Variants in ABHD18 observed in about 807,000 individuals in gnomAD.
ABHD18 encodes cardiolipin-specific deacylase, mitochondrial.
Under a neutral mutation model 65.9 loss-of-function variants are expected in ABHD18, and 55 were observed. The ratio of observed to expected loss-of-function variants is 0.84; its 90% confidence interval spans 0.67 to 1.05. The LOEUF (loss-of-function observed/expected upper bound fraction) is 1.05, where lower values mean the gene tolerates loss of function less well. Ranked by LOEUF, ABHD18 falls within the 50% of genes least tolerant of loss-of-function variation. The probability of loss-of-function intolerance (pLI) is 0.00; values close to 1 mark genes in which losing one functional copy is unlikely to be tolerated. For missense variants in ABHD18, 533 were observed against 558.5 expected (o/e 0.95, Z 0.46); for synonymous variants, 181 against 180.2 (o/e 1.00, Z -0.04).
At chr4:128,027,404 A>AT (rs1757528578) in intron 10 of ABHD18, among the ~76,000 whole-genome samples, 1 of 150,590 alleles carries the variant, frequency 6.6e-6, no homozygotes, top group Non-Finnish European at 1.5e-5. Context: ...TTTCTTGATA[A>AT]TTTTTTTCTT....
intron 7 of ABHD18, among the ~76,000 whole-genome samples, chr4:128,012,125 C>T (rs908957806): frequency 4.6e-5 from 7 of 152,006 alleles, no homozygotes; most frequent in Non-Finnish European, 4.4e-5. Context: ...TACAGGCATG[C>T]ACCACCACAC....
intron 1 of ABHD18, among the ~76,000 whole-genome samples, chr4:127,977,540 A>G (rs541334673): frequency 1.3e-5 from 2 of 152,354 alleles, no homozygotes; most frequent in East Asian, 1.9e-4. Flanking sequence ...ATTTAGGGTA[A>G]TACAGATTGA....
chr4:127,965,535 GA>G lies in ABHD18; in HGVS notation c.-86del. 1 of 301,278 alleles carries G rather than the reference GA, an allele frequency of 3.3e-6. No homozygotes were observed. The allele number at this position is 301,278 out of a possible 1,614,324, so 18.7% of individuals were successfully genotyped here. A position where few individuals can be genotyped will look rare whatever the true frequency, so the allele number is the denominator to read the frequency against. ...GGGCTGGGACCAAAGTTGAGTCCTG[GA>G]AAGGGAGCCTGGAGAGCGGCGGTGC... On this transcript the variant is annotated 5_prime_UTR_variant, in exon 1 of 13. Coordinates refer to ENST00000645843, the MANE Select transcript of ABHD18 (RefSeq NM_001358451.3).
intron 10 of ABHD18, among the ~76,000 whole-genome samples, chr4:128,027,073 G>T (rs75205493): frequency 6.6e-6 from 1 of 151,962 alleles, no homozygotes; most frequent in East Asian, 1.9e-4. Flanking sequence ...ATGAGCCACC[G>T]TGCCTTGCCT....
At chr4:128,011,354 T>G (rs960791356) in intron 6 of ABHD18, among the ~76,000 whole-genome samples, 2 of 152,082 alleles carry the variant, frequency 1.3e-5, no homozygotes, top group Non-Finnish European at 2.9e-5. Context: ...TTCACCATGT[T>G]AGCCAGGATG....
chr4:127,993,923 C>T (rs537009868), intron 4 of ABHD18, among the ~76,000 whole-genome samples: 1 of 152,284 alleles, frequency 6.6e-6, no homozygotes, highest in South Asian at 2.1e-4. Flanking sequence ...AGATTTTAAA[C>T]TTTTGATCAT....
chr4:127,999,866 T>C (rs966003397), intron 4 of ABHD18, among the ~76,000 whole-genome samples: 3 of 152,142 alleles, frequency 2.0e-5, no homozygotes, highest in Non-Finnish European at 4.4e-5. Context: ...TTGCCAAGTG[T>C]ATTAGTTTGC....
At chr4:128,002,313 G>C (rs1752797493) in intron 4 of ABHD18, among the ~76,000 whole-genome samples, 3 of 149,902 alleles carry the variant, frequency 2.0e-5, no homozygotes, top group Non-Finnish European at 4.4e-5. Flanking sequence ...GTCTCGCTCT[G>C]TCACCCAGGT....
At chr4:127,978,906 T>G (rs533471019) in intron 1 of ABHD18, among the ~76,000 whole-genome samples, 1 of 152,096 alleles carries the variant, frequency 6.6e-6, no homozygotes, top group African/African-American at 2.4e-5. Flanking sequence ...CACTGTAAAG[T>G]TGAAAAATCG....
chr4:128,020,266 A>C (rs1256080547), intron 9 of ABHD18, 97 bp downstream of exon 9: 1 of 817,774 alleles, frequency 1.2e-6, no homozygotes. Flanking sequence ...GGTGATTCAA[A>C]GAAAGAATTA....
intron 7 of ABHD18, among the ~76,000 whole-genome samples, chr4:128,013,867 G>A (rs1488149442): frequency 6.6e-6 from 1 of 152,038 alleles, no homozygotes; most frequent in Non-Finnish European, 1.5e-5. Flanking sequence ...GTAGGATGGG[G>A]TGGAGGCAAA....
Position 128,020,066 on chromosome 4 carries a change from C to T in ABHD18, c.610-14C>T. Reference sequence around the variant, plus strand: ...GAAACTCTAAATAGACGCTCTCTATCTGTTATATTACAGATGGCTTCCTTA... The same window carrying T: ...GAAACTCTAAATAGACGCTCTCTATTTGTTATATTACAGATGGCTTCCTTA... On this transcript the variant is annotated splice_polypyrimidine_tract_variant and intron_variant, in intron 8 of 12. Coordinates refer to ENST00000645843, the MANE Select transcript of ABHD18 (RefSeq NM_001358451.3). 1 of 1,568,952 alleles carries T rather than the reference C, an allele frequency of 6.4e-7. No individual in the cohort carries two copies. Among genetic ancestry groups the T allele is most frequent in the South Asian group, 1.1e-5 (1 of 87,996 alleles).
rs147871764 is a variant in ABHD18 at position 127,973,443 on chromosome 4, G to T, written c.-18+7837G>T. Among the ~76,000 whole-genome samples, 4 of 152,048 alleles carry T rather than the reference G, an allele frequency of 2.6e-5. No individual in the cohort carries two copies. In the East Asian group the frequency reaches 7.7e-4, roughly 29 times the overall value. ...AAAGTAAGTAACACCTGTTATTGAGGGTGTCAGCCCAGATACTCTACTCAA... is the reference window on the plus strand; with the variant it reads ...AAAGTAAGTAACACCTGTTATTGAGTGTGTCAGCCCAGATACTCTACTCAA... On this transcript the variant is annotated intron_variant, in intron 1 of 12. Coordinates refer to ENST00000645843, the MANE Select transcript of ABHD18 (RefSeq NM_001358451.3).
chr4:127,980,598 CGG>C (rs35674137), intron 1 of ABHD18, among the ~76,000 whole-genome samples: 1,837 of 151,406 alleles, frequency 0.012, 77 homozygotes, highest in East Asian at 0.099. Flanking sequence ...CCAAGGCGGA[CGG>C]ATAACCTCAG....
chr4:127,983,186 C>T (rs1749352902), intron 2 of ABHD18, 139 bp downstream of exon 2: 1 of 561,586 alleles, frequency 1.8e-6, no homozygotes, highest in South Asian at 3.1e-5. Flanking sequence ...TAATTATTTC[C>T]TTTTTACTTT....
chr4:127,982,877 A>G, intron 1 of ABHD18, 62 bp from the exon 2 acceptor site: 4 of 841,712 alleles, frequency 4.8e-6, no homozygotes, highest in Non-Finnish European at 7.2e-6. Flanking sequence ...TGGTTAGAAA[A>G]TTGACCTGCT....
chr4:127,974,207 T>G (rs867297281), intron 1 of ABHD18, among the ~76,000 whole-genome samples: 9 of 145,740 alleles, frequency 6.2e-5, no homozygotes, highest in African/African-American at 2.0e-4. Flanking sequence ...TTTTTTTTTT[T>G]TTTTTTTTGA....
chr4:128,031,139 T>C (rs1247184961), intron 12 of ABHD18: 31 of 985,594 alleles, frequency 3.1e-5, no homozygotes, highest in Non-Finnish European at 3.5e-5. Flanking sequence ...ATGACTCCAC[T>C]ATTTTAGTTA....
chr4:127,981,172 C>T (rs1243488239), intron 1 of ABHD18, among the ~76,000 whole-genome samples: 5 of 152,102 alleles, frequency 3.3e-5, no homozygotes, highest in East Asian at 3.9e-4. Flanking sequence ...GTTTGACTTA[C>T]GATTGTTTCA....
Sources: gnomAD v4.1 joint callset for allele counts (sites outside exome capture counted in the v4.1 genomes callset) on GRCh38, gnomAD v4.1.1 for gene constraint, MANE v1.5 for transcripts, NCBI Gene and HGNC (gene_info 2026-07-23, HGNC 2026-07-21) for gene names.